RNF212B: variants seen among roughly 807,000 people sequenced by gnomAD.
RNF212B encodes ring finger protein 212B.
A neutral mutation model predicts 55.5 loss-of-function variants in RNF212B; 52 were observed. The observed-to-expected ratio is 0.94, with a 90% CI of 0.75 to 1.18. The LOEUF (loss-of-function observed/expected upper bound fraction) is 1.18. Among genes scored for constraint, RNF212B ranks in the 50% most tolerant of loss-of-function variants. RNF212B has a pLI of 0.00. For missense variants in RNF212B, 289 were observed against 350.4 expected (o/e 0.82, Z 1.40); for synonymous variants, 99 against 121.4 (o/e 0.82, Z 1.21).
chr14:23,236,375 C>T (rs12896519), upstream of RNF212B, among the ~76,000 whole-genome samples: 23,806 of 151,932 alleles, frequency 0.16, 1,956 homozygotes, highest in Non-Finnish European at 0.18. Flanking sequence ...ATTAGCTGGG[C>T]GTAATGGCAG....
chr14:23,221,531 A>G (rs1461473482), intron 2 of RNF212B, among the ~76,000 whole-genome samples: 1 of 152,214 alleles, frequency 6.6e-6, no homozygotes, highest in Non-Finnish European at 1.5e-5. Context: ...ACAGACTCCA[A>G]TACGGTAATA....
intron 1 of RNF212B, among the ~76,000 whole-genome samples, chr14:23,192,397 G>T (rs1490238300): frequency 6.6e-6 from 1 of 152,156 alleles, no homozygotes; most frequent in Non-Finnish European, 1.5e-5. Context: ...GGACATAGAT[G>T]AAGCTGGAAA....
At chr14:23,216,384 A>T (rs1378781337) in intron 2 of RNF212B, among the ~76,000 whole-genome samples, 1 of 152,196 alleles carries the variant, frequency 6.6e-6, no homozygotes, top group Non-Finnish European at 1.5e-5. Flanking sequence ...AAACAGAGGA[A>T]TAAAAAAACA....
Position 23,208,798 on chromosome 14 carries a change from G to A in RNF212B, c.-2+15397G>A, listed in dbSNP as rs555053188. The stretch of plus-strand genomic sequence containing the variant: ...TTTTGAGACGGAGTCTCACTCTGTC[G>A]CCCAGGCTGGAGTGCAATGGCGCGA... On this transcript the variant is annotated intron_variant, in intron 2 of 15. Transcript: ENST00000399910. Among the ~76,000 whole-genome samples, 48 of 104,482 alleles carry A rather than the reference G, an allele frequency of 4.6e-4. 1 individual carries two copies. In the South Asian group the frequency reaches 1.0e-2, roughly 22 times the overall value. The allele number at this position is 104,482 out of a possible 152,430, so 68.5% of individuals were successfully genotyped here.
intron 4 of RNF212B, among the ~76,000 whole-genome samples, chr14:23,252,482 C>T (rs1263462133): frequency 6.6e-6 from 1 of 152,050 alleles, no homozygotes; most frequent in Non-Finnish European, 1.5e-5. Flanking sequence ...AGGTTCATTG[C>T]CCAGTGCATG....
chr14:23,237,052 C>T (rs1210119434), upstream of RNF212B, among the ~76,000 whole-genome samples: 2 of 150,506 alleles, frequency 1.3e-5, no homozygotes, highest in Non-Finnish European at 3.0e-5. Flanking sequence ...CAGCCTCGAC[C>T]CCGTGGGATT....
chr14:23,233,294 A>G (rs2140423932), upstream of RNF212B, among the ~76,000 whole-genome samples: 1 of 152,228 alleles, frequency 6.6e-6, no homozygotes, highest in South Asian at 2.1e-4. Context: ...TCCTCTGCCT[A>G]GGAAAACCAG....
At chr14:23,245,685 T>C (rs1883927075) in intron 4 of RNF212B, among the ~76,000 whole-genome samples, 1 of 152,230 alleles carries the variant, frequency 6.6e-6, no homozygotes, top group African/African-American at 2.4e-5. Context: ...GCTCAAAACA[T>C]TCTTCTTCAG....
In RNF212B at chr14:23,208,772, TTTTTG is replaced by T. The variant is rs1161800355; in HGVS notation, c.-2+15372_-2+15376del. On this transcript the variant is annotated intron_variant, in intron 2 of 15. Transcript: ENST00000399910. ...GCTGGTTGCCGTTTTTTTTTTTTTT[TTTTTG>T]AGACGGAGTCTCACTCTGTCGCCCA... is the stretch of plus-strand genomic sequence containing the variant. Among the ~76,000 whole-genome samples the T allele has an allele frequency of 7.9e-5, 11 of 139,796 alleles. 3 individuals are homozygous for T. Among genetic ancestry groups the T allele is most frequent in the African/African-American group, 2.4e-4 (8 of 33,848 alleles). The allele number at this position is 139,796 out of a possible 152,430, so 91.7% of individuals were successfully genotyped here. A position where few individuals can be genotyped will look rare whatever the true frequency, so the allele number is the denominator to read the frequency against.
intron 3 of RNF212B, 52 bp downstream of exon 3, chr14:23,243,360 A>C: frequency 7.1e-7 from 1 of 1,407,550 alleles, no homozygotes; most frequent in South Asian, 1.2e-5. Flanking sequence ...CCTGGCCTGT[A>C]GGAAGTATAT....
Position 23,202,841 on chromosome 14 carries a change from C to G in RNF212B, c.-2+9440C>G, listed in dbSNP as rs575678680. 5.4e-5 allele frequency among the ~76,000 whole-genome samples: 8 copies of G among 146,820 alleles called. No homozygotes were observed. The East Asian group carries it at 1.4e-3, about 25-fold the overall frequency. ...CTCTAGCCTGGGCGACAGAGCGAGA[C>G]CCTGTCTCAAAAAAAAAAAAAAAAA... On this transcript the variant is annotated intron_variant, in intron 2 of 15. Coordinates refer to the RNF212B transcript ENST00000399910.
intron 2 of RNF212B, among the ~76,000 whole-genome samples, chr14:23,196,193 C>T (rs774377608): frequency 5.9e-5 from 9 of 152,158 alleles, no homozygotes; most frequent in Non-Finnish European, 1.3e-4. Flanking sequence ...TGGAAAAGTG[C>T]CTTTTACCAG....
rs531175460 is a variant in RNF212B, at chr14:23,231,732, C to A, written c.-1-8613C>A. On this transcript the variant is annotated intron_variant, in intron 2 of 15. Transcript: ENST00000399910. ...CTGCTGCCATCTCGGCTCACTGCAA[C>A]CTCCCTGCCTGATTCTCCTGCCTCA... Among the ~76,000 whole-genome samples the A allele has an allele frequency of 4.5e-3, 680 of 152,274 alleles. 3 individuals carry two copies. Among genetic ancestry groups the A allele is most frequent in the African/African-American group, 0.015 (627 of 41,568 alleles).
intron 1 of RNF212B, among the ~76,000 whole-genome samples, chr14:23,186,537 A>G (rs1435281717): frequency 6.6e-6 from 1 of 152,032 alleles, no homozygotes; most frequent in East Asian, 1.9e-4. Flanking sequence ...TTTAGTAGAG[A>G]CGGGGTTTCA....
chr14:23,233,923 C>A (rs1184239947), upstream of RNF212B, among the ~76,000 whole-genome samples: 2 of 151,998 alleles, frequency 1.3e-5, no homozygotes, highest in Non-Finnish European at 1.5e-5. Flanking sequence ...ACGGTGAAAC[C>A]CTGTCTCTAC....
At chr14:23,268,833 A>C (rs1885871730) in intron 11 of RNF212B, 91 bp from the exon 12 acceptor site, 1 of 1,073,904 alleles carries the variant, frequency 9.3e-7, no homozygotes. Context: ...AAAATCTTTT[A>C]TCTCCATTTC....
chr14:23,218,467 A>G (rs1471588679), intron 2 of RNF212B, among the ~76,000 whole-genome samples: 1 of 151,702 alleles, frequency 6.6e-6, no homozygotes, highest in Non-Finnish European at 1.5e-5. Context: ...CAGAAGAAAG[A>G]ATTAGTGAGT....
intron 11 of RNF212B, among the ~76,000 whole-genome samples, chr14:23,266,404 G>GTTT (rs57731750): frequency 0.082 from 3,745 of 45,782 alleles, 393 homozygotes; most frequent in African/African-American, 0.15. Flanking sequence ...CCTTTTAAAT[G>GTTT]TTTTTTTTTT....
intron 10 of RNF212B, among the ~76,000 whole-genome samples, 170 bp from the exon 11 acceptor site, chr14:23,264,453 G>A (rs1217897772): frequency 6.6e-6 from 1 of 152,214 alleles, no homozygotes; most frequent in Non-Finnish European, 1.5e-5. Context: ...AATCAACAGT[G>A]TCCATGGTGT....
Sources: allele counts gnomAD v4.1 joint callset (sites outside exome capture counted in the v4.1 genomes callset), GRCh38; gene constraint gnomAD v4.1.1; transcripts MANE v1.5; gene names NCBI Gene and HGNC (gene_info 2026-07-23, HGNC 2026-07-21).